Variants in EPHA6 observed in about 807,000 individuals in gnomAD.
EPHA6 encodes EPH receptor A6.
In EPHA6, 50 loss-of-function variants were observed where a neutral mutation model predicts 112.0. The observed-to-expected ratio is 0.45, with a 90% CI of 0.36 to 0.56. The LOEUF (loss-of-function observed/expected upper bound fraction) is 0.56. Ranked by LOEUF, EPHA6 falls within the 20% of genes least tolerant of loss-of-function variation. The pLI, the probability that EPHA6 is intolerant of heterozygous loss-of-function variation, is 0.00. For synonymous variants in EPHA6, 529 were observed against 490.7 expected (o/e 1.08, Z -1.03); for missense variants, 1,280 against 1,417.4 (o/e 0.90, Z 1.56).
intron 5 of EPHA6, among the ~76,000 whole-genome samples, chr3:97,355,245 C>T (rs547922179): frequency 6.6e-6 from 1 of 152,032 alleles, no homozygotes; most frequent in Non-Finnish European, 1.5e-5. Context: ...GGTGTGTAAA[C>T]TACTAATATC....
chr3:96,940,509 G>T (rs532675082), intron 2 of EPHA6, among the ~76,000 whole-genome samples: 1 of 152,170 alleles, frequency 6.6e-6, no homozygotes, highest in East Asian at 1.9e-4. Flanking sequence ...CGTGAGATGG[G>T]TTTCCTGAAT....
intron 3 of EPHA6, among the ~76,000 whole-genome samples, chr3:97,000,843 T>G (rs2043627358): frequency 6.6e-6 from 1 of 151,248 alleles, no homozygotes; most frequent in Admixed American, 6.6e-5. Flanking sequence ...GTAAATTAAA[T>G]TTGGGGCCTG....
At chr3:96,989,453 T>C (rs530867873) in intron 3 of EPHA6, among the ~76,000 whole-genome samples, 1 of 152,332 alleles carries the variant, frequency 6.6e-6, no homozygotes, top group South Asian at 2.1e-4. Flanking sequence ...TTTTATTCAC[T>C]TATAACAAGG....
chr3:97,479,001 CT>C (rs1175623933), intron 8 of EPHA6, among the ~76,000 whole-genome samples: 3 of 151,992 alleles, frequency 2.0e-5, no homozygotes, highest in African/African-American at 7.2e-5. Flanking sequence ...TTTTAATTTT[CT>C]TTTTACCAAC....
intron 10 of EPHA6, among the ~76,000 whole-genome samples, chr3:97,489,162 T>A (rs1365454327): frequency 6.6e-6 from 1 of 152,218 alleles, no homozygotes; most frequent in African/African-American, 2.4e-5. Context: ...AAATACAGTT[T>A]CTACATTCAG....
chr3:97,677,352 G>A (rs2031479515), intron 14 of EPHA6, among the ~76,000 whole-genome samples: 1 of 152,086 alleles, frequency 6.6e-6, no homozygotes, highest in African/African-American at 2.4e-5. Flanking sequence ...CTAGAAAATT[G>A]ACAGGATCAA....
intron 3 of EPHA6, among the ~76,000 whole-genome samples, chr3:97,143,165 G>GACAC (rs146280281): frequency 6.6e-6 from 1 of 150,554 alleles, no homozygotes; most frequent in Non-Finnish European, 1.5e-5. Context: ...ATTAACAATA[G>GACAC]ACACACACAC....
chr3:97,735,536 A>G (rs1182691492), intron 15 of EPHA6, among the ~76,000 whole-genome samples: 18 of 152,064 alleles, frequency 1.2e-4, no homozygotes, highest in Admixed American at 1.2e-3. Flanking sequence ...AATTTTTCTT[A>G]AAATTTTTAC....
chr3:96,904,176 T>C (rs575586244), intron 2 of EPHA6, among the ~76,000 whole-genome samples: 1 of 152,100 alleles, frequency 6.6e-6, no homozygotes, highest in South Asian at 2.1e-4. Flanking sequence ...ATTGTGGCAG[T>C]ATTCACAATA....
Position 97,745,485 on chromosome 3 carries a change from T to C in EPHA6, c.3129-1938T>C, listed in dbSNP as rs911485259. On this transcript the variant is annotated intron_variant, in intron 16 of 17. Coordinates refer to ENST00000389672, the MANE Select transcript of EPHA6 (RefSeq NM_001080448.3). The stretch of plus-strand genomic sequence containing the variant: ...CCTCCAAATAGGAAATGCAATAGAA[T>C]TGAGTAGTGTTAAAAAGGACAGAAG... The C allele has an allele frequency of 1.0e-5, 4 of 400,602 alleles. No individual in the cohort carries two copies. In the Admixed American group the frequency reaches 1.2e-4, roughly 12 times the overall value. 24.8% of individuals were successfully genotyped at this position (400,602 alleles called of 1,614,324 possible). A position where few individuals can be genotyped will look rare whatever the true frequency, so the allele number is the denominator to read the frequency against.
chr3:97,559,306 G>A (rs1223910447), intron 11 of EPHA6, among the ~76,000 whole-genome samples: 1 of 152,002 alleles, frequency 6.6e-6, no homozygotes, highest in Non-Finnish European at 1.5e-5. Flanking sequence ...CAATGCATAT[G>A]AATTGGCATT....
intron 3 of EPHA6, among the ~76,000 whole-genome samples, chr3:97,116,911 A>G (rs1351593856): frequency 6.6e-6 from 1 of 151,630 alleles, no homozygotes; most frequent in Non-Finnish European, 1.5e-5. Context: ...GAATTTCCTT[A>G]CCATTTTTCA....
intron 11 of EPHA6, among the ~76,000 whole-genome samples, chr3:97,550,304 C>T (rs1484259455): frequency 2.6e-5 from 4 of 152,220 alleles, no homozygotes; most frequent in Admixed American, 6.5e-5. Context: ...GACCCAGTCC[C>T]TCTTCCAAGA....
chr3:97,103,771 A>G (rs2047480153), intron 3 of EPHA6, among the ~76,000 whole-genome samples: 2 of 152,074 alleles, frequency 1.3e-5, no homozygotes, highest in African/African-American at 4.8e-5. Context: ...GATTTCTCCT[A>G]TACATGATCA....
In EPHA6 at chr3:96,852,588, T is replaced by C. The variant is rs191099295; in HGVS notation, c.386-14237T>C. On this transcript the variant is annotated intron_variant, in intron 1 of 17. Transcript: ENST00000389672. ...ATAGTACAGTATCTTACTAAGTTTT[T>C]GAAGTATCTTATCCAAAAAAAAAAA... Among the ~76,000 whole-genome samples, 861 of 149,802 alleles carry C rather than the reference T, an allele frequency of 5.7e-3. 6 individuals carry two copies. The highest frequency in any genetic ancestry group is 0.02 in the African/African-American group (801 of 40,616).
chr3:97,444,424 C>T (rs2090253944), intron 6 of EPHA6, among the ~76,000 whole-genome samples: 1 of 151,966 alleles, frequency 6.6e-6, no homozygotes, highest in Non-Finnish European at 1.5e-5. Context: ...GGAAAAACAC[C>T]TGCATTTCTG....
At chr3:97,258,869 A>G (rs1180986589) in intron 5 of EPHA6, among the ~76,000 whole-genome samples, 1 of 150,544 alleles carries the variant, frequency 6.6e-6, no homozygotes. Flanking sequence ...CATATTTGCA[A>G]TCAACATTCT....
chr3:97,377,419 C>G (rs567859638), intron 5 of EPHA6, among the ~76,000 whole-genome samples: 1 of 152,186 alleles, frequency 6.6e-6, no homozygotes, highest in South Asian at 2.1e-4. Flanking sequence ...ATTTCTTTAT[C>G]AGTAGCATGA....
intron 14 of EPHA6, among the ~76,000 whole-genome samples, chr3:97,693,253 T>A (rs1190103842): frequency 2.6e-5 from 4 of 152,152 alleles, no homozygotes; most frequent in Admixed American, 2.6e-4. Context: ...ACACTGAGGA[T>A]CATCACCTGA....
Sources: allele counts gnomAD v4.1 joint callset (sites outside exome capture counted in the v4.1 genomes callset), GRCh38; gene constraint gnomAD v4.1.1; transcripts MANE v1.5; gene names NCBI Gene and HGNC (gene_info 2026-07-23, HGNC 2026-07-21).